The following SLC4A4 variants were observed in gnomAD, a reference collection of about 807,000 sequenced individuals.
The protein encoded by SLC4A4 is solute carrier family 4 member 4.
Under a neutral mutation model 111.5 loss-of-function variants are expected in SLC4A4, and 27 were observed. That is an observed-to-expected ratio of 0.24 (90% CI 0.18 to 0.33). The LOEUF (loss-of-function observed/expected upper bound fraction) is 0.33. Among genes scored for constraint, SLC4A4 ranks in the 10% least tolerant of loss-of-function variants. The pLI, the probability that SLC4A4 is intolerant of heterozygous loss-of-function variation, is 1.00. For synonymous variants in SLC4A4, 443 were observed against 463.4 expected (o/e 0.96, Z 0.57); for missense variants, 909 against 1,315.5 (o/e 0.69, Z 4.78).
intron 7 of SLC4A4, among the ~76,000 whole-genome samples, chr4:71,439,344 C>G (rs762391590): frequency 6.5e-5 from 9 of 138,036 alleles, no homozygotes; most frequent in Admixed American, 8.1e-5. Flanking sequence ...AGAAGAATCA[C>G]TTGAACCCGG....
chr4:71,299,215 G>A (rs376107614), intron 3 of SLC4A4, among the ~76,000 whole-genome samples: 2 of 152,188 alleles, frequency 1.3e-5, no homozygotes, highest in African/African-American at 4.8e-5. Flanking sequence ...TCTTTCTATT[G>A]TTTAGGCCAT....
intron 2 of SLC4A4, among the ~76,000 whole-genome samples, chr4:71,159,376 A>T (rs563547341): frequency 4.0e-5 from 6 of 151,598 alleles, no homozygotes; most frequent in East Asian, 3.9e-4. Flanking sequence ...TATTTTTTTT[A>T]AATTTTTGTC....
At position 71,244,731 on chromosome 4, in the gene SLC4A4, C is replaced by G. The variant is rs79298153; in HGVS notation, c.73+8082C>G. 4.6e-5 allele frequency among the ~76,000 whole-genome samples: 7 copies of G among 150,826 alleles called. No homozygotes were observed. The South Asian group carries it at 8.4e-4, about 18-fold the overall frequency. On this transcript the variant is annotated intron_variant, in intron 2 of 25. Transcript: ENST00000264485. ...CAACAGATTAGTTGATTAGTACTTA[C>G]GTTAACTCTTCTTACTAAATTTAAG...
At chr4:71,119,644 A>T (rs1308848352) in intron 2 of SLC4A4, among the ~76,000 whole-genome samples, 2 of 152,136 alleles carry the variant, frequency 1.3e-5, no homozygotes, top group African/African-American at 4.8e-5. Flanking sequence ...AATTTTTAAA[A>T]ATTTATTCTA....
chr4:71,405,392 T>G (rs1243147550), intron 7 of SLC4A4, among the ~76,000 whole-genome samples: 1 of 151,692 alleles, frequency 6.6e-6, no homozygotes, highest in Non-Finnish European at 1.5e-5. Flanking sequence ...TAAAATTTGA[T>G]TTTTTTAAAC....
At chr4:71,526,070 A>G (rs1425968798) in intron 16 of SLC4A4, among the ~76,000 whole-genome samples, 5 of 151,980 alleles carry the variant, frequency 3.3e-5, no homozygotes, top group Admixed American at 6.6e-5. Context: ...TACTTCTACT[A>G]TGTCAGTTTT....
At chr4:71,105,520 T>C (rs1211736712) in intron 2 of SLC4A4, among the ~76,000 whole-genome samples, 2 of 151,184 alleles carry the variant, frequency 1.3e-5, no homozygotes, top group Non-Finnish European at 2.9e-5. Flanking sequence ...GACTTGAAAC[T>C]ATACTACAAG....
chr4:71,413,284 A>G (rs1721544818), intron 7 of SLC4A4, among the ~76,000 whole-genome samples: 4 of 152,188 alleles, frequency 2.6e-5, no homozygotes, highest in Admixed American at 2.6e-4. Context: ...GTTCCCTTGT[A>G]TATCTCAGCC....
chr4:71,475,344 T>C (rs796203158), intron 14 of SLC4A4, among the ~76,000 whole-genome samples: 2 of 151,854 alleles, frequency 1.3e-5, no homozygotes, highest in Admixed American at 1.3e-4. Flanking sequence ...GGAAGACATA[T>C]CTAAATGTGT....
At chr4:71,423,600 G>C (rs923041526) in intron 7 of SLC4A4, among the ~76,000 whole-genome samples, 6 of 152,040 alleles carry the variant, frequency 3.9e-5, no homozygotes, top group Admixed American at 3.3e-4. Flanking sequence ...ATACTACAAG[G>C]CTACAGTAAC....
At chr4:71,088,715 G>T (rs907016818) in intron 1 of SLC4A4, among the ~76,000 whole-genome samples, 8 of 151,948 alleles carry the variant, frequency 5.3e-5, no homozygotes, top group Non-Finnish European at 8.8e-5. Context: ...TTTTCTTTAA[G>T]AATGTTGAAT....
At chr4:71,272,861 C>CA (rs1722793945) in intron 3 of SLC4A4, among the ~76,000 whole-genome samples, 1 of 152,064 alleles carries the variant, frequency 6.6e-6, no homozygotes, top group African/African-American at 2.4e-5. Context: ...ATAGCAATGT[C>CA]ACAAATTGAT....
chr4:71,235,280 T>C (rs1309708650), intron 1 of SLC4A4, among the ~76,000 whole-genome samples: 1 of 152,222 alleles, frequency 6.6e-6, no homozygotes. Context: ...CTTTGTGAGA[T>C]GGATATGCTT....
intron 6 of SLC4A4, among the ~76,000 whole-genome samples, chr4:71,376,092 T>C (rs1321180950): frequency 6.7e-6 from 1 of 149,466 alleles, no homozygotes; most frequent in Middle Eastern, 3.6e-3. Flanking sequence ...TATACATATA[T>C]ACGTGTGTAT....
At chr4:71,266,915 A>T (rs529109232) in intron 3 of SLC4A4, among the ~76,000 whole-genome samples, 8 of 152,354 alleles carry the variant, frequency 5.3e-5, no homozygotes, top group East Asian at 1.9e-4. Flanking sequence ...TGAAAATTTC[A>T]TGAAAACTGA....
chr4:71,335,832 A>C (rs1264680879), intron 3 of SLC4A4, among the ~76,000 whole-genome samples: 1 of 152,132 alleles, frequency 6.6e-6, no homozygotes, highest in Non-Finnish European at 1.5e-5. Context: ...CTCAAAAAAA[A>C]AAAAAATTTC....
intron 12 of SLC4A4, among the ~76,000 whole-genome samples, chr4:71,463,419 T>C (rs1727021162): frequency 1.3e-5 from 2 of 152,180 alleles, no homozygotes; most frequent in Non-Finnish European, 2.9e-5. Context: ...ATTTTTTAAA[T>C]TTCTGTATTG....
rs770338763 is a variant in SLC4A4, at chr4:71,420,950, ACAT to A, written c.808-19662_808-19660del. Among the ~76,000 whole-genome samples, 828 of 149,086 alleles carry A rather than the reference ACAT, an allele frequency of 5.6e-3. 5 individuals carry two copies. The highest frequency in any genetic ancestry group is 9.4e-3 in the Non-Finnish European group (633 of 67,424). On this transcript the variant is annotated intron_variant, in intron 7 of 25. Coordinates refer to ENST00000264485, the MANE Select transcript of SLC4A4 (RefSeq NM_001098484.3). ...AACTAACGAGCAAAATAACCAGCTA[ACAT>A]CATAATGACAGGATCCAATTCACAC...
intron 13 of SLC4A4, among the ~76,000 whole-genome samples, chr4:71,467,011 C>T (rs1046395546): frequency 3.4e-5 from 5 of 146,052 alleles, no homozygotes; most frequent in East Asian, 2.1e-4. Context: ...CCCAGCTCAC[C>T]GTCTTTGTTT....
Sources: allele counts gnomAD v4.1 joint callset (sites outside exome capture counted in the v4.1 genomes callset), GRCh38; gene constraint gnomAD v4.1.1; transcripts MANE v1.5; gene names NCBI Gene and HGNC (gene_info 2026-07-23, HGNC 2026-07-21).